PRKG2: variants seen among roughly 807,000 people sequenced by gnomAD.
PRKG2 encodes the protein cGMP-dependent protein kinase 2.
PRKG2 carries 33 observed loss-of-function variants against 97.2 expected under a neutral mutation model. The ratio of observed to expected loss-of-function variants is 0.34; its 90% confidence interval spans 0.26 to 0.45. The LOEUF (loss-of-function observed/expected upper bound fraction) is 0.45, where lower values mean the gene tolerates loss of function less well. PRKG2 is among the 20% of genes least tolerant of loss of function. The pLI, the probability that PRKG2 is intolerant of heterozygous loss-of-function variation, is 1.00. For missense variants in PRKG2, 638 were observed against 900.0 expected, an observed-to-expected ratio of 0.71 and a Z score of 3.73; for synonymous variants, 330 against 321.8, an observed-to-expected ratio of 1.03 and a Z score of -0.27.
At chr4:81,153,384 A>G (rs1748611316) in intron 7 of PRKG2, 2 of 319,024 alleles carry the variant, frequency 6.3e-6, no homozygotes, top group Admixed American at 9.2e-5. Context: ...CAGCCATCTC[A>G]TATACAATTA....
chr4:81,197,515 A>G (rs1753036295), intron 2 of PRKG2, among the ~76,000 whole-genome samples: 1 of 152,386 alleles, frequency 6.6e-6, no homozygotes, highest in South Asian at 2.1e-4. Context: ...TGTGATTAAG[A>G]GGCAGATGTT....
At chr4:81,099,492 G>T (rs932435747) in intron 17 of PRKG2, among the ~76,000 whole-genome samples, 4 of 151,692 alleles carry the variant, frequency 2.6e-5, no homozygotes, top group African/African-American at 4.8e-5. Context: ...TGCAGAAAAG[G>T]CCTTTGACAA....
chr4:81,141,512 G>C (rs1747286727), intron 11 of PRKG2, among the ~76,000 whole-genome samples: 1 of 152,064 alleles, frequency 6.6e-6, no homozygotes, highest in African/African-American at 2.4e-5. Flanking sequence ...CTATTAAACA[G>C]TACTACTCTA....
chr4:81,133,686 A>G (rs779982681), intron 14 of PRKG2, among the ~76,000 whole-genome samples: 8 of 152,174 alleles, frequency 5.3e-5, no homozygotes, highest in Non-Finnish European at 7.3e-5. Flanking sequence ...TCACTTTTTA[A>G]TCACTGAAGG....
intron 6 of PRKG2, among the ~76,000 whole-genome samples, chr4:81,164,079 G>A (rs1248377372): frequency 6.6e-6 from 1 of 152,188 alleles, no homozygotes; most frequent in African/African-American, 2.4e-5. Context: ...ATTCGGGCAT[G>A]TAGCACCTGA....
rs1410771687 is a variant in PRKG2 at position 81,110,532 on chromosome 4, G to A, written c.1856C>T (p.Pro619Leu). The A allele has an allele frequency of 6.2e-7, 1 of 1,612,794 alleles. No homozygotes were observed. Among genetic ancestry groups the A allele is most frequent in the Non-Finnish European group, 8.5e-7 (1 of 1,179,874 alleles). Residue 619 changes from proline to leucine, a missense_variant, in exon 15 of 19, where the codon CCT becomes CTT. This residue lies in a region of PRKG2 where 304 missense variants were observed against 460.5 expected (regional missense o/e 0.66). Coordinates refer to ENST00000264399, the MANE Select transcript of PRKG2 (RefSeq NM_006259.3). ...TFCGTPEYVA[P>L]EVILNKGHDF... ...ATGTCCCTTGTTGAGAATGACTTCAGGAGCTACATATTCTGGAGTCCCACA... is the reference window on the plus strand; with the variant it reads ...ATGTCCCTTGTTGAGAATGACTTCAAGAGCTACATATTCTGGAGTCCCACA...
chr4:81,168,583 A>G (rs1005696638), intron 5 of PRKG2, among the ~76,000 whole-genome samples: 4 of 152,140 alleles, frequency 2.6e-5, no homozygotes, highest in Admixed American at 6.6e-5. Context: ...ATGCTAACCT[A>G]TGTTGCTCAG....
At chr4:81,217,655 A>G (rs979308302), upstream of PRKG2, among the ~76,000 whole-genome samples, 24 of 152,238 alleles carry the variant, frequency 1.6e-4, no homozygotes, top group African/African-American at 5.8e-4. Flanking sequence ...CCAGTGAGAG[A>G]AACAGACATT....
intron 14 of PRKG2, among the ~76,000 whole-genome samples, chr4:81,117,140 G>A (rs990805075): frequency 5.9e-5 from 9 of 151,480 alleles, no homozygotes; most frequent in Non-Finnish European, 8.8e-5. Context: ...CTACAAGCGT[G>A]AACAACCACA....
At chr4:81,202,751 T>G (rs1246831541) in intron 2 of PRKG2, among the ~76,000 whole-genome samples, 3 of 152,082 alleles carry the variant, frequency 2.0e-5, no homozygotes, top group Non-Finnish European at 2.9e-5. Context: ...TGCCTGATTA[T>G]AGCAGAGCTA....
intron 14 of PRKG2, among the ~76,000 whole-genome samples, chr4:81,128,966 C>G (rs1745881416): frequency 6.6e-6 from 1 of 152,150 alleles, no homozygotes; most frequent in Admixed American, 6.5e-5. Flanking sequence ...GCATTTAGTG[C>G]TATAAATTTC....
At chr4:81,166,814 T>C (rs1183476763) in intron 6 of PRKG2, among the ~76,000 whole-genome samples, 1 of 152,170 alleles carries the variant, frequency 6.6e-6, no homozygotes, top group African/African-American at 2.4e-5. Context: ...GACTCCTTTA[T>C]ACTATGAAAA....
chr4:81,169,045 G>GT (rs1027316711), intron 5 of PRKG2, among the ~76,000 whole-genome samples: 2 of 151,816 alleles, frequency 1.3e-5, no homozygotes, highest in Non-Finnish European at 2.9e-5. Context: ...TGTGAGACTA[G>GT]TTTTTTTCAC....
chr4:81,201,017 AGGCATAGACTCATTTTCTGTGGCGTT>A (rs1753276463), intron 2 of PRKG2, among the ~76,000 whole-genome samples: 1 of 152,140 alleles, frequency 6.6e-6, no homozygotes, highest in Non-Finnish European at 1.5e-5. Context: ...TCAATCTCAC[AGGCATAGACTCATTTTCTGTGGCGTT>A]GTCCTAAAAC....
At chr4:81,142,664 T>C in intron 11 of PRKG2, 130 bp downstream of exon 11, 4 of 1,195,218 alleles carry the variant, frequency 3.3e-6, no homozygotes, top group Non-Finnish European at 4.5e-6. Context: ...GTTTACTTTC[T>C]CAATTTCAGT....
At chr4:81,124,034 C>G (rs1745320225) in intron 14 of PRKG2, among the ~76,000 whole-genome samples, 1 of 152,036 alleles carries the variant, frequency 6.6e-6, no homozygotes, top group Admixed American at 6.6e-5. Flanking sequence ...TTTACCATTT[C>G]TTTGTGGTCA....
At chr4:81,184,530 G>A (rs57767590) in intron 2 of PRKG2, among the ~76,000 whole-genome samples, 2,373 of 152,262 alleles carry the variant, frequency 0.016, 76 homozygotes, top group African/African-American at 0.055. Flanking sequence ...CCATGAAGAT[G>A]AGGAAAAACC....
intron 14 of PRKG2, among the ~76,000 whole-genome samples, chr4:81,118,784 T>TTTGGTTTG (rs1477678981): frequency 1.3e-5 from 2 of 152,038 alleles, no homozygotes; most frequent in Non-Finnish European, 2.9e-5. Context: ...GAAGTTTTCG[T>TTTGGTTTG]TTGGTTTGTT....
chr4:81,204,996 A>G lies in PRKG2; in HGVS notation c.52T>C (p.Ser18Pro). ...AGAGCATCAGTGGTGAGGTTCCCAGAGTGTCCATCTGGGTGCTTAGAATGT... is the reference window on the plus strand; with the variant it reads ...AGAGCATCAGTGGTGAGGTTCCCAGGGTGTCCATCTGGGTGCTTAGAATGT... ...PKHSKHPDGH[S>P]GNLTTDALRN... Residue 18 changes from serine (S) to proline (P), a missense_variant, in exon 2 of 19, where the codon TCT (serine) becomes CCT (proline). Physicochemically the swap from Ser to Pro is moderately conservative, Grantham distance 74. Transcript: ENST00000264399. The G allele has an allele frequency of 6.2e-7, 1 of 1,613,910 alleles. No individual in the cohort carries two copies. The highest frequency in any genetic ancestry group is 8.5e-7 in the Non-Finnish European group (1 of 1,179,970).
Sources: allele counts gnomAD v4.1 joint callset (sites outside exome capture counted in the v4.1 genomes callset), GRCh38; gene constraint gnomAD v4.1.1; regional missense constraint gnomAD v4.1.1; transcripts MANE v1.5; gene names NCBI Gene and HGNC (gene_info 2026-07-23, HGNC 2026-07-21).